GRK3: variants seen among roughly 807,000 people sequenced by gnomAD.
GRK3 encodes the protein G protein-coupled receptor kinase 3.
Under a neutral mutation model 95.7 loss-of-function variants are expected in GRK3, and 54 were observed. That is an observed-to-expected ratio of 0.56 (90% CI 0.45 to 0.71). The LOEUF (loss-of-function observed/expected upper bound fraction) is 0.71. Among genes scored for constraint, GRK3 ranks in the 30% least tolerant of loss-of-function variants. The pLI, the probability that GRK3 is intolerant of heterozygous loss-of-function variation, is 0.00. For synonymous variants in GRK3, 281 were observed against 290.8 expected, an observed-to-expected ratio of 0.97 and a Z score of 0.34; for missense variants, 649 against 851.2, an observed-to-expected ratio of 0.76 and a Z score of 2.96.
At position 25,672,305 on chromosome 22, in the gene GRK3, C is replaced by G; in HGVS notation, c.513C>G (p.Phe171Leu). 1 of 1,441,542 alleles carries G rather than the reference C, an allele frequency of 6.9e-7. No individual in the cohort carries two copies. Among genetic ancestry groups the G allele is most frequent in the South Asian group, 1.2e-5 (1 of 80,726 alleles). 89.3% of individuals were successfully genotyped at this position (1,441,542 alleles called of 1,614,324 possible). A position where few individuals can be genotyped will look rare whatever the true frequency, so the allele number is the denominator to read the frequency against. Residue 171 changes from phenylalanine to leucine, a missense_variant, in exon 7 of 21, where the codon TTC (phenylalanine) becomes TTG (leucine). Physicochemically the swap from Phe to Leu is conservative, Grantham distance 22 (BLOSUM62 0). Around this residue, in one of 3 missense-constraint regions of GRK3, gnomAD observed 206 missense variants for 231.4 expected, o/e 0.89. Coordinates refer to ENST00000324198, the MANE Select transcript of GRK3 (RefSeq NM_005160.4). The stretch of plus-strand genomic sequence containing the variant: ...TTTTATTCTCTTTTAGTGACAAGTT[C>G]ACTAGATTTTGTCAGTGGAAAAACG... ...IFQKFMESDKFTRFCQWKNVE... is the reference protein window; with the variant it reads ...IFQKFMESDKLTRFCQWKNVE...
chr22:25,607,545 G>A (rs796437284), intron 2 of GRK3, among the ~76,000 whole-genome samples: 9 of 151,854 alleles, frequency 5.9e-5, no homozygotes, highest in South Asian at 2.1e-4. Flanking sequence ...GGGCTTTTCT[G>A]TCTGCTTCTT....
At chr22:25,659,538 G>A (rs2084896440) in intron 3 of GRK3, among the ~76,000 whole-genome samples, 1 of 152,190 alleles carries the variant, frequency 6.6e-6, no homozygotes, top group African/African-American at 2.4e-5. Flanking sequence ...TTTCTATCCT[G>A]CAGTAGGGAA....
chr22:25,666,380 C>T (rs768521851), intron 5 of GRK3, among the ~76,000 whole-genome samples: 1 of 152,114 alleles, frequency 6.6e-6, no homozygotes, highest in Non-Finnish European at 1.5e-5. Flanking sequence ...TGAGACTTGT[C>T]GAGGACTTGG....
intron 2 of GRK3, among the ~76,000 whole-genome samples, chr22:25,611,521 T>G (rs1047643616): frequency 6.6e-6 from 1 of 152,216 alleles, no homozygotes; most frequent in Non-Finnish European, 1.5e-5. Flanking sequence ...TTTGAATGGA[T>G]AGGAAGTGGT....
At chr22:25,660,554 C>CT (rs1268218850) in intron 3 of GRK3, among the ~76,000 whole-genome samples, 1 of 152,170 alleles carries the variant, frequency 6.6e-6, no homozygotes, top group East Asian at 1.9e-4. Flanking sequence ...TTCACGTACC[C>CT]TTTTTCCCTC....
At chr22:25,648,615 G>A (rs1015768033) in intron 3 of GRK3, 35 of 1,140,244 alleles carry the variant, frequency 3.1e-5, no homozygotes, top group Non-Finnish European at 4.5e-5. Flanking sequence ...ACTATATGCT[G>A]TTGTTTCTGA....
At chr22:25,616,810 T>A (rs971067440) in intron 2 of GRK3, among the ~76,000 whole-genome samples, 1 of 152,168 alleles carries the variant, frequency 6.6e-6, no homozygotes, top group Non-Finnish European at 1.5e-5. Context: ...GGAGAGGTTT[T>A]GATAAGAGGT....
chr22:25,719,895 A>G lies in GRK3; in HGVS notation c.1792-1389A>G, dbSNP rs531141182. 3.9e-5 allele frequency among the ~76,000 whole-genome samples: 6 copies of G among 152,340 alleles called. No individual in the cohort carries two copies. The East Asian group carries it at 1.2e-3, about 29-fold the overall frequency. ...TTTACTGTTAGCAAAGTTTTCATTC[A>G]ATTATGAATGATTACAATTGCATAT... On this transcript the variant is annotated intron_variant, in intron 19 of 20. Coordinates refer to ENST00000324198, the MANE Select transcript of GRK3 (RefSeq NM_005160.4).
intron 1 of GRK3, among the ~76,000 whole-genome samples, chr22:25,585,967 G>C (rs187439938): frequency 2.6e-5 from 4 of 152,282 alleles, no homozygotes; most frequent in African/African-American, 4.8e-5. Context: ...AAGGCTCCAC[G>C]GTGTTGGTGG....
intron 1 of GRK3, among the ~76,000 whole-genome samples, chr22:25,573,194 G>A (rs979869795): frequency 6.6e-6 from 1 of 152,214 alleles, no homozygotes; most frequent in African/African-American, 2.4e-5. Context: ...GCACACTGCT[G>A]TGTGTAATCT....
intron 1 of GRK3, among the ~76,000 whole-genome samples, chr22:25,579,972 A>C (rs16980498): frequency 3.0e-3 from 458 of 152,314 alleles, no homozygotes; most frequent in Non-Finnish European, 5.0e-3. Context: ...TTTCTAAGTA[A>C]AATTTGCATC....
In GRK3 at chr22:25,725,388, T is replaced by C. The variant is rs990014064; in HGVS notation, c.*2938T>C. 5 of 395,714 alleles carry C rather than the reference T, an allele frequency of 1.3e-5. No individual in the cohort carries two copies. Among genetic ancestry groups the C allele is most frequent in the Non-Finnish European group, 8.9e-6 (2 of 224,928 alleles). The allele number at this position is 395,714 out of a possible 1,614,324, so 24.5% of individuals were successfully genotyped here. A position where few individuals can be genotyped will look rare whatever the true frequency, so the allele number is the denominator to read the frequency against. ...ATAAAGCCTAAAAATAATAGATTAC[T>C]TTAAGCTGCTATGTAAGATATATAT... On this transcript the variant is annotated 3_prime_UTR_variant, in exon 21 of 21. Transcript: ENST00000324198.
chr22:25,580,413 T>C (rs1601448789), intron 1 of GRK3: 1 of 152,310 alleles, frequency 6.6e-6, no homozygotes. Flanking sequence ...TCAGGAATTA[T>C]CAATTTGAAG....
At chr22:25,714,672 G>C in intron 18 of GRK3, 102 bp downstream of exon 18, 4 of 1,139,628 alleles carry the variant, frequency 3.5e-6, no homozygotes, top group Non-Finnish European at 3.7e-6. Context: ...TTTTGCAGTC[G>C]AGAAGAAAGC....
intron 2 of GRK3, among the ~76,000 whole-genome samples, chr22:25,622,420 A>G (rs1291754305): frequency 1.3e-5 from 2 of 152,192 alleles, no homozygotes; most frequent in Admixed American, 1.3e-4. Flanking sequence ...TACATAGGTT[A>G]GTTGTTTAGG....
At chr22:25,666,888 T>C (rs1230254121) in intron 5 of GRK3, among the ~76,000 whole-genome samples, 8 of 152,186 alleles carry the variant, frequency 5.3e-5, no homozygotes, top group East Asian at 3.8e-4. Context: ...CTGTGAAATA[T>C]TGTCTCTTTA....
intron 8 of GRK3, among the ~76,000 whole-genome samples, chr22:25,677,376 T>A (rs2085038558): frequency 1.4e-5 from 1 of 72,978 alleles, no homozygotes; most frequent in African/African-American, 5.5e-5. Context: ...ACCCCATATC[T>A]TAAAAAAAAA....
At chr22:25,688,226 ACT>A (rs1164663251) in intron 11 of GRK3, among the ~76,000 whole-genome samples, 1 of 127,954 alleles carries the variant, frequency 7.8e-6, no homozygotes, top group Non-Finnish European at 1.6e-5. Flanking sequence ...ACAGAGCAAG[ACT>A]CTGTCTCAAA....
intron 6 of GRK3, among the ~76,000 whole-genome samples, chr22:25,669,489 C>G (rs995351702): frequency 6.6e-6 from 1 of 152,244 alleles, no homozygotes; most frequent in Admixed American, 6.5e-5. Flanking sequence ...TACTGCATCC[C>G]AGGCGTTTCC....
Sources: gnomAD v4.1 joint callset for allele counts (sites outside exome capture counted in the v4.1 genomes callset) on GRCh38, gnomAD v4.1.1 for gene constraint, gnomAD v4.1.1 regional missense constraint, MANE v1.5 for transcripts, NCBI Gene and HGNC (gene_info 2026-07-23, HGNC 2026-07-21) for gene names.